Variants in ABLIM1 observed in about 807,000 individuals in gnomAD.
The protein encoded by ABLIM1 is actin binding LIM protein 1, also known as actin-binding LIM protein 1.
In ABLIM1, 40 loss-of-function variants were observed where a neutral mutation model predicts 107.0. That is an observed-to-expected ratio of 0.37 (90% CI 0.29 to 0.49). ABLIM1 has a LOEUF of 0.49. Ranked by LOEUF, ABLIM1 falls within the 20% of genes least tolerant of loss-of-function variation. The pLI, the probability that ABLIM1 is intolerant of heterozygous loss-of-function variation, is 0.97. For missense variants in ABLIM1, 857 were observed against 1,008.5 expected, an observed-to-expected ratio of 0.85 and a Z score of 2.04; for synonymous variants, 357 against 357.3, an observed-to-expected ratio of 1.00 and a Z score of 0.01.
At chr10:114,595,687 C>T (rs1240394449) in intron 2 of ABLIM1, among the ~76,000 whole-genome samples, 1 of 152,202 alleles carries the variant, frequency 6.6e-6, no homozygotes, top group African/African-American at 2.4e-5. Context: ...CATTTAATTA[C>T]AGAATCCATC....
chr10:114,673,717 G>A (rs115963854), intron 1 of ABLIM1, among the ~76,000 whole-genome samples: 2,418 of 152,292 alleles, frequency 0.016, 62 homozygotes, highest in African/African-American at 0.054. Flanking sequence ...TAATTATGCA[G>A]TTGTCTGACT....
At chr10:114,529,357 T>G (rs1256503264) in intron 6 of ABLIM1, among the ~76,000 whole-genome samples, 1 of 152,052 alleles carries the variant, frequency 6.6e-6, no homozygotes, top group Non-Finnish European at 1.5e-5. Context: ...TCTCTTGAAC[T>G]CATGATCGCC....
chr10:114,533,834 A>G (rs1249369655), intron 6 of ABLIM1, among the ~76,000 whole-genome samples: 5 of 152,092 alleles, frequency 3.3e-5, no homozygotes, highest in Non-Finnish European at 5.9e-5. Context: ...TCACCAACAC[A>G]TCCAGCTAAG....
intron 1 of ABLIM1, among the ~76,000 whole-genome samples, chr10:114,611,492 T>C (rs951523870): frequency 2.0e-5 from 3 of 151,624 alleles, no homozygotes; most frequent in African/African-American, 7.3e-5. Context: ...AAAGATACTC[T>C]GATACTTCTG....
intron 6 of ABLIM1, among the ~76,000 whole-genome samples, chr10:114,525,164 A>G (rs2064475140): frequency 6.6e-6 from 1 of 152,246 alleles, no homozygotes; most frequent in Non-Finnish European, 1.5e-5. Flanking sequence ...TAGACATCCC[A>G]TAGACAGTCC....
chr10:114,630,595 T>G (rs1461188215), intron 1 of ABLIM1, among the ~76,000 whole-genome samples: 1 of 152,198 alleles, frequency 6.6e-6, no homozygotes. Context: ...ATCCTGTATG[T>G]CAATCCATTC....
rs191927255 is a variant in ABLIM1, at chr10:114,594,721, G to A, written c.379+7106C>T. On this transcript the variant is annotated intron_variant, in intron 2 of 22. Coordinates refer to ENST00000533213, the MANE Select transcript of ABLIM1 (RefSeq NM_002313.7). Reference sequence around the variant, plus strand: ...GCCAAGACTGTGCCACTGCCCTCCAGCCTGGACAACAGAGTGAGACTCTGT... The same window carrying A: ...GCCAAGACTGTGCCACTGCCCTCCAACCTGGACAACAGAGTGAGACTCTGT... Among the ~76,000 whole-genome samples the A allele has an allele frequency of 7.2e-3, 1,090 of 152,300 alleles. 15 individuals carry two copies. The highest frequency in any genetic ancestry group is 0.01 in the Non-Finnish European group (706 of 68,032).
chr10:114,655,793 G>A (rs2079479897), intron 1 of ABLIM1, among the ~76,000 whole-genome samples: 1 of 152,094 alleles, frequency 6.6e-6, no homozygotes, highest in South Asian at 2.1e-4. Context: ...GAATGTGCCT[G>A]GAATCATGAA....
intron 1 of ABLIM1, among the ~76,000 whole-genome samples, chr10:114,676,752 T>C (rs11593135): frequency 0.3 from 45,711 of 151,984 alleles, 8,125 homozygotes; most frequent in South Asian, 0.44. Flanking sequence ...TGAAGCTTTT[T>C]TCTTTGAGAT....
At chr10:114,721,670 C>T (rs1566273503) in intron 1 of ABLIM1, among the ~76,000 whole-genome samples, 1 of 151,862 alleles carries the variant, frequency 6.6e-6, no homozygotes, top group Admixed American at 6.6e-5. Context: ...TTAGTAGAGA[C>T]GGGGTTTCAC....
intron 6 of ABLIM1, among the ~76,000 whole-genome samples, chr10:114,522,529 A>C (rs771413801): frequency 6.6e-6 from 1 of 152,220 alleles, no homozygotes; most frequent in Non-Finnish European, 1.5e-5. Context: ...CACAGACATA[A>C]GGAACCAGCT....
At chr10:114,652,358 T>C (rs2079289062) in intron 1 of ABLIM1, among the ~76,000 whole-genome samples, 1 of 152,180 alleles carries the variant, frequency 6.6e-6, no homozygotes, top group Non-Finnish European at 1.5e-5. Flanking sequence ...AATATTATAG[T>C]GTTATATGTT....
At chr10:114,607,140 G>A (rs1027517460) in intron 1 of ABLIM1, among the ~76,000 whole-genome samples, 1 of 152,156 alleles carries the variant, frequency 6.6e-6, no homozygotes, top group Non-Finnish European at 1.5e-5. Flanking sequence ...TTGGCTCACT[G>A]CAATCTCTGC....
intron 1 of ABLIM1, among the ~76,000 whole-genome samples, chr10:114,602,404 T>C (rs147114108): frequency 8.1e-4 from 123 of 152,358 alleles, no homozygotes; most frequent in African/African-American, 2.9e-3. Flanking sequence ...TCACCAGTTG[T>C]ATTTCTCCCT....
chr10:114,694,197 G>A (rs1274812087), intron 1 of ABLIM1, among the ~76,000 whole-genome samples: 1 of 152,198 alleles, frequency 6.6e-6, no homozygotes, highest in Admixed American at 6.5e-5. Flanking sequence ...TCTGCTGGCT[G>A]TGACCTTCAT....
At chr10:114,440,523 G>C (rs1331629266) in intron 19 of ABLIM1, among the ~76,000 whole-genome samples, 1 of 151,936 alleles carries the variant, frequency 6.6e-6, no homozygotes, top group Non-Finnish European at 1.5e-5. Flanking sequence ...ATAGCTCACT[G>C]CAGCCTTGAA....
chr10:114,727,678 G>T (rs2081988958), intron 1 of ABLIM1, among the ~76,000 whole-genome samples: 1 of 152,176 alleles, frequency 6.6e-6, no homozygotes, highest in Admixed American at 6.5e-5. Flanking sequence ...ATTTCTGGCT[G>T]GATGTGATGG....
At chr10:114,614,755 T>C (rs1269414686) in intron 1 of ABLIM1, among the ~76,000 whole-genome samples, 1 of 151,986 alleles carries the variant, frequency 6.6e-6, no homozygotes, top group East Asian at 1.9e-4. Flanking sequence ...GGCACAGCTA[T>C]GAAAAACACA....
intron 1 of ABLIM1, among the ~76,000 whole-genome samples, chr10:114,642,235 G>A (rs12772864): frequency 0.071 from 10,807 of 152,130 alleles, 458 homozygotes; most frequent in South Asian, 0.12. Flanking sequence ...TGATCTGATC[G>A]TCAGCTCCAT....
Sources: gnomAD v4.1 joint callset for allele counts (sites outside exome capture counted in the v4.1 genomes callset) on GRCh38, gnomAD v4.1.1 for gene constraint, MANE v1.5 for transcripts, NCBI Gene and HGNC (gene_info 2026-07-23, HGNC 2026-07-21) for gene names.